SLC24A1: variants seen among roughly 807,000 people sequenced by gnomAD.
SLC24A1 encodes the protein sodium/potassium/calcium exchanger 1.
Under a neutral mutation model 88.1 loss-of-function variants are expected in SLC24A1, and 52 were observed. The observed-to-expected ratio is 0.59, with a 90% CI of 0.47 to 0.74. SLC24A1 has a LOEUF of 0.74. Among genes scored for constraint, SLC24A1 ranks in the 30% least tolerant of loss-of-function variants. SLC24A1 has a pLI of 0.00. For synonymous variants in SLC24A1, 455 were observed against 498.0 expected (o/e 0.91, Z 1.15); for missense variants, 1,173 against 1,363.3 (o/e 0.86, Z 2.20).
rs577039785 is a variant in SLC24A1 at position 65,629,008 on chromosome 15, A to G, written c.1890+3038A>G. On this transcript the variant is annotated intron_variant, in intron 2 of 9. Transcript: ENST00000261892. ...ATATTTTAGGATTTGCAAACCATAT[A>G]GTCTCTGTCAAAGCTACTGAACTCT... Among the ~76,000 whole-genome samples, 7 of 152,368 alleles carry G rather than the reference A, an allele frequency of 4.6e-5. No individual in the cohort carries two copies. The East Asian group carries it at 1.3e-3, about 29-fold the overall frequency.
At position 65,648,129 on chromosome 15, in the gene SLC24A1, A is replaced by G. The variant is rs1490538972; in HGVS notation, c.2233-2253A>G. Among the ~76,000 whole-genome samples the G allele has an allele frequency of 1.3e-4, 20 of 152,206 alleles. No homozygotes were observed. In the East Asian group the frequency reaches 3.5e-3, roughly 27 times the overall value. ...CAAAAAATTAGCCAGGTGTGGTGGC[A>G]CATGCCTGTAATCCCAGCTACTCGG... On this transcript the variant is annotated intron_variant, in intron 6 of 9. Coordinates refer to ENST00000261892, the MANE Select transcript of SLC24A1 (RefSeq NM_004727.3).
At chr15:65,657,313 T>C (rs1465228668), downstream of SLC24A1, among the ~76,000 whole-genome samples, 1 of 152,182 alleles carries the variant, frequency 6.6e-6, no homozygotes, top group Non-Finnish European at 1.5e-5. Flanking sequence ...GGGGCAGGAA[T>C]TGGAATGTAT....
intron 4 of SLC24A1, among the ~76,000 whole-genome samples, chr15:65,640,841 C>T (rs920588637): frequency 2.6e-5 from 4 of 151,126 alleles, no homozygotes; most frequent in African/African-American, 9.7e-5. Flanking sequence ...GGTGGATTGC[C>T]TGAGCTCAGG....
intron 2 of SLC24A1, among the ~76,000 whole-genome samples, chr15:65,636,806 G>A (rs932665535): frequency 6.6e-6 from 1 of 151,762 alleles, no homozygotes; most frequent in Non-Finnish European, 1.5e-5. Context: ...AACCCAGGAG[G>A]GGGAGGTTGC....
chr15:65,644,430 G>A lies in SLC24A1; in HGVS notation c.2057G>A (p.Arg686His), dbSNP rs538479361. The A allele has an allele frequency of 3.2e-6, 5 of 1,585,872 alleles. No homozygotes were observed. The highest frequency in any genetic ancestry group is 1.3e-5 in the African/African-American group (1 of 74,356). ...LHSLDPLREV[R>H]LAKEKEEESL... is the part of the protein sequence containing the mutation. ...GTATGTCCTGTCTCATTTGCAGTTC[G>A]CCTTGCCAAGGAGAAGGAGGAGGAG... is the stretch of plus-strand genomic sequence containing the variant. The change falls in exon 5 of 10, where the codon CGC (arginine) becomes CAC (histidine). Residue 686 changes from arginine to histidine, a missense_variant. Physicochemically the swap from Arg to His is conservative, Grantham distance 29. Transcript: ENST00000261892.
In SLC24A1 at chr15:65,654,908, T is replaced by C; in HGVS notation, c.*829T>C. 1.8e-6 allele frequency: 2 copies of C among 1,119,644 alleles called. No individual in the cohort carries two copies. Among genetic ancestry groups the C allele is most frequent in the Non-Finnish European group, 2.2e-6 (2 of 907,186 alleles). 69.4% of individuals were successfully genotyped at this position (1,119,644 alleles called of 1,614,324 possible). A position where few individuals can be genotyped will look rare whatever the true frequency, so the allele number is the denominator to read the frequency against. ...CCACCGCGCCTGGCCTATACCAGTA[T>C]TTTCTAGTTTAAAGGAGGACTACAT... On this transcript the variant is annotated 3_prime_UTR_variant, in exon 10 of 10. Coordinates refer to ENST00000261892, the MANE Select transcript of SLC24A1 (RefSeq NM_004727.3).
At chr15:65,658,556 A>C (rs2075753202), downstream of SLC24A1, 1 of 152,266 alleles carries the variant, frequency 6.6e-6, no homozygotes, top group African/African-American at 2.4e-5. Context: ...GTTTCGGACC[A>C]GAAGTGTTTT....
intron 4 of SLC24A1, among the ~76,000 whole-genome samples, chr15:65,643,489 G>C (rs746881095): frequency 1.3e-5 from 2 of 152,178 alleles, no homozygotes; most frequent in Non-Finnish European, 2.9e-5. Context: ...ATTCAGAATA[G>C]AGCCCGTAGA....
Position 65,625,790 on chromosome 15 carries a change from A to G in SLC24A1, c.1710A>G (p.Ile570Met). Residue 570 changes from isoleucine (I) to methionine (M), a missense_variant, in exon 2 of 10, where the codon ATA (isoleucine) becomes ATG (methionine). Transcript: ENST00000261892. ...RDVSFYILDL[I>M]MLILFFLDSL... is the part of the protein sequence containing the mutation. ...TCTCCTTCTACATCCTTGACCTGAT[A>G]ATGCTCATCCTCTTCTTCCTGGACA... The G allele has an allele frequency of 1.2e-6, 2 of 1,613,910 alleles. No homozygotes were observed. The highest frequency in any genetic ancestry group is 1.7e-6 in the Non-Finnish European group (2 of 1,179,860).
intron 2 of SLC24A1, among the ~76,000 whole-genome samples, chr15:65,634,649 A>G (rs1424603631): frequency 6.6e-6 from 1 of 151,938 alleles, no homozygotes; most frequent in Non-Finnish European, 1.5e-5. Flanking sequence ...GAAATATGAA[A>G]TAGAGCCACT....
intron 2 of SLC24A1, among the ~76,000 whole-genome samples, chr15:65,627,778 T>G (rs2141490503): frequency 6.6e-6 from 1 of 152,298 alleles, no homozygotes; most frequent in South Asian, 2.1e-4. Flanking sequence ...CTGCTTTTAT[T>G]TAGACTCTAC....
chr15:65,653,409 A>G (rs2075569559), intron 9 of SLC24A1, among the ~76,000 whole-genome samples: 1 of 152,202 alleles, frequency 6.6e-6, no homozygotes, highest in Admixed American at 6.5e-5. Flanking sequence ...TCATCACTAA[A>G]GAATTAAAAG....
chr15:65,657,110 A>G (rs1411640445), downstream of SLC24A1, among the ~76,000 whole-genome samples: 4 of 152,102 alleles, frequency 2.6e-5, no homozygotes, highest in Non-Finnish European at 4.4e-5. Flanking sequence ...AGCTCAGGCA[A>G]TCTGCCCGCC....
chr15:65,617,830 C>T (rs556937317), upstream of SLC24A1, among the ~76,000 whole-genome samples: 16 of 152,168 alleles, frequency 1.1e-4, no homozygotes, highest in Admixed American at 8.5e-4. Context: ...GGAATGCTTC[C>T]AGTTTTTGCC....
rs2075605840 is a variant in SLC24A1, at chr15:65,654,307, C to A, written c.*228C>A. 7.4e-7 allele frequency: 1 copy of A among 1,346,060 alleles called. No individual in the cohort carries two copies. The highest frequency in any genetic ancestry group is 2.9e-5 in the East Asian group (1 of 34,506). The allele number at this position is 1,346,060 out of a possible 1,614,324, so 83.4% of individuals were successfully genotyped here. A position where few individuals can be genotyped will look rare whatever the true frequency, so the allele number is the denominator to read the frequency against. On this transcript the variant is annotated 3_prime_UTR_variant, in exon 10 of 10. Transcript: ENST00000261892. ...GGAGGGGTGGAGTTTCTACCCCTGA[C>A]TCATGCAGACATCTATTACATGGAG... is the stretch of plus-strand genomic sequence containing the variant.
downstream of SLC24A1, among the ~76,000 whole-genome samples, chr15:65,657,487 C>A (rs1397467911): frequency 2.0e-5 from 3 of 151,928 alleles, no homozygotes; most frequent in Non-Finnish European, 4.4e-5. Flanking sequence ...TAAAAAAATA[C>A]CAAAAATTAG....
chr15:65,658,239 C>T (rs1032794145), downstream of SLC24A1: 2 of 152,150 alleles, frequency 1.3e-5, no homozygotes, highest in African/African-American at 4.8e-5. Context: ...GTTAAGACAC[C>T]AAGTACTAAG....
intron 1 of SLC24A1, among the ~76,000 whole-genome samples, chr15:65,622,697 C>G (rs1263368318): frequency 1.3e-5 from 2 of 151,760 alleles, no homozygotes; most frequent in African/African-American, 2.4e-5. Context: ...CATGTTCTTC[C>G]CTCCTTCATT....
At chr15:65,623,528 T>C (rs1284773318) in intron 1 of SLC24A1, among the ~76,000 whole-genome samples, 1 of 152,256 alleles carries the variant, frequency 6.6e-6, no homozygotes, top group Non-Finnish European at 1.5e-5. Context: ...CCTCTTTTTG[T>C]CTATAGCTTA....
Sources: gnomAD v4.1 joint callset for allele counts (sites outside exome capture counted in the v4.1 genomes callset) on GRCh38, gnomAD v4.1.1 for gene constraint, MANE v1.5 for transcripts, NCBI Gene and HGNC (gene_info 2026-07-23, HGNC 2026-07-21) for gene names.